The following PDGFC variants were observed in gnomAD, a reference collection of about 807,000 sequenced individuals.
The protein encoded by PDGFC is platelet derived growth factor C.
Under a neutral mutation model 35.5 loss-of-function variants are expected in PDGFC, and 12 were observed. The observed-to-expected ratio is 0.34, with a 90% confidence interval of 0.22 to 0.55. The LOEUF (loss-of-function observed/expected upper bound fraction) is 0.55. Ranked by LOEUF, PDGFC falls within the 20% of genes least tolerant of loss-of-function variation. PDGFC has a pLI of 0.91. For synonymous variants in PDGFC, 159 were observed against 148.8 expected, an observed-to-expected ratio of 1.07 and a Z score of -0.50; for missense variants, 322 against 412.4, an observed-to-expected ratio of 0.78 and a Z score of 1.90.
intron 2 of PDGFC, chr4:156,841,990 A>T (rs1579048960): frequency 6.6e-6 from 1 of 152,162 alleles, no homozygotes; most frequent in Non-Finnish European, 1.5e-5. Context: ...TGGTATGATT[A>T]TTTCTAGATC....
intron 1 of PDGFC, among the ~76,000 whole-genome samples, chr4:156,953,966 A>T (rs978989173): frequency 6.6e-6 from 1 of 151,960 alleles, no homozygotes; most frequent in Non-Finnish European, 1.5e-5. Context: ...AAATTAAGAC[A>T]ATTCACTCTG....
rs1449333871 is a variant in PDGFC at position 156,970,787 on chromosome 4, G to A, written c.117C>T (p.Asn39=). Residue 39 remains asparagine, a splice_region_variant and synonymous_variant, in exon 1 of 6, where the codon AAC becomes AAT. Transcript: ENST00000502773. ...GGGGAGAATGGGGGAAAGACTCACC[G>A]TTCTGTTCCTTGTTGCTGGAAAACT... ...KFQFSSNKEQ[N]GVQDPQHERI... is the part of the protein sequence containing the mutation. The A allele has an allele frequency of 6.3e-7, 1 of 1,578,348 alleles. No homozygotes were observed. The highest frequency in any genetic ancestry group is 8.7e-7 in the Non-Finnish European group (1 of 1,147,462).
At chr4:156,920,323 C>T (rs1731243353) in intron 1 of PDGFC, among the ~76,000 whole-genome samples, 1 of 152,112 alleles carries the variant, frequency 6.6e-6, no homozygotes, top group Admixed American at 6.5e-5. Flanking sequence ...TGGCCCCTGC[C>T]TAAACATTGT....
chr4:156,827,008 A>T (rs1254663596), intron 2 of PDGFC, among the ~76,000 whole-genome samples: 1 of 152,230 alleles, frequency 6.6e-6, no homozygotes, highest in Non-Finnish European at 1.5e-5. Context: ...ATGTTTAATG[A>T]ATATCTATTC....
intron 2 of PDGFC, among the ~76,000 whole-genome samples, chr4:156,843,354 T>A (rs142894985): frequency 6.6e-6 from 1 of 152,360 alleles, no homozygotes; most frequent in East Asian, 1.9e-4. Context: ...CTGTGCTTTA[T>A]AAGCCACCCA....
chr4:156,914,142 A>C (rs1731104266), intron 1 of PDGFC, among the ~76,000 whole-genome samples: 1 of 152,194 alleles, frequency 6.6e-6, no homozygotes, highest in Non-Finnish European at 1.5e-5. Flanking sequence ...AAGGACTAAA[A>C]AGAAAGATTA....
chr4:156,774,637 AAC>A (rs1730776033), intron 3 of PDGFC, among the ~76,000 whole-genome samples: 1 of 151,046 alleles, frequency 6.6e-6, no homozygotes, highest in East Asian at 1.9e-4. Context: ...GCCTTGGGCC[AAC>A]AATGATTTCA....
chr4:156,934,287 G>A (rs1731624558), intron 1 of PDGFC, among the ~76,000 whole-genome samples: 1 of 152,154 alleles, frequency 6.6e-6, no homozygotes, highest in African/African-American at 2.4e-5. Flanking sequence ...GCATGTTATT[G>A]TACTGAAAAC....
intron 3 of PDGFC, among the ~76,000 whole-genome samples, chr4:156,789,150 T>C (rs1308771830): frequency 6.6e-6 from 1 of 152,214 alleles, no homozygotes; most frequent in African/African-American, 2.4e-5. Flanking sequence ...TTATTTTCTG[T>C]GCTAGCCAGA....
intron 2 of PDGFC, chr4:156,841,265 T>C (rs772533513): frequency 6.6e-6 from 1 of 152,198 alleles, no homozygotes; most frequent in Non-Finnish European, 1.5e-5. Context: ...AATTGGATCA[T>C]GGGGGTGGTT....
At chr4:156,907,148 G>C (rs1236988760) in intron 1 of PDGFC, among the ~76,000 whole-genome samples, 1 of 151,980 alleles carries the variant, frequency 6.6e-6, no homozygotes, top group Non-Finnish European at 1.5e-5. Context: ...AATAAAAATG[G>C]ACCAAAAAGA....
chr4:156,935,301 T>A (rs993589537), intron 1 of PDGFC, among the ~76,000 whole-genome samples: 1 of 152,174 alleles, frequency 6.6e-6, no homozygotes, highest in African/African-American at 2.4e-5. Context: ...TGACTTACAG[T>A]TAACTTTTTA....
At chr4:156,942,335 T>C (rs1731829720) in intron 1 of PDGFC, among the ~76,000 whole-genome samples, 1 of 152,154 alleles carries the variant, frequency 6.6e-6, no homozygotes, top group African/African-American at 2.4e-5. Flanking sequence ...CTAGCTTATC[T>C]TCTTTCATGA....
At chr4:156,777,397 AT>A (rs1340444284) in intron 3 of PDGFC, among the ~76,000 whole-genome samples, 2 of 152,224 alleles carry the variant, frequency 1.3e-5, no homozygotes, top group Non-Finnish European at 2.9e-5. Flanking sequence ...GAATGCCTGT[AT>A]TTGGAGACAG....
At chr4:156,908,779 ACAAT>A (rs1730975802) in intron 1 of PDGFC, among the ~76,000 whole-genome samples, 2 of 152,178 alleles carry the variant, frequency 1.3e-5, no homozygotes, top group African/African-American at 4.8e-5. Flanking sequence ...GACTTATGTA[ACAAT>A]CAGACAAGTG....
chr4:156,959,801 A>G (rs1394064383), intron 1 of PDGFC, among the ~76,000 whole-genome samples: 5 of 152,026 alleles, frequency 3.3e-5, no homozygotes, highest in Non-Finnish European at 4.4e-5. Flanking sequence ...AGGGAAATGT[A>G]AAATCCAGAC....
chr4:156,863,647 T>C lies in PDGFC; in HGVS notation c.119-13231A>G, dbSNP rs139537162. The stretch of plus-strand genomic sequence containing the variant: ...AAGTAAGAGACATCTTTACCAATTA[T>C]TAATGATTTGCTGGATTCTGGCTTC... On this transcript the variant is annotated intron_variant, in intron 1 of 5. Coordinates refer to ENST00000502773, the MANE Select transcript of PDGFC (RefSeq NM_016205.3). 2.6e-5 allele frequency among the ~76,000 whole-genome samples: 4 copies of C among 152,302 alleles called. No homozygotes were observed. In the East Asian group the frequency reaches 7.7e-4, roughly 29 times the overall value.
At chr4:156,891,898 A>C (rs950688019) in intron 1 of PDGFC, among the ~76,000 whole-genome samples, 4 of 152,232 alleles carry the variant, frequency 2.6e-5, no homozygotes, top group Non-Finnish European at 4.4e-5. Flanking sequence ...TGTACATTAA[A>C]GAGTTTTATA....
At chr4:156,825,578 T>TAAG (rs1304163404) in intron 2 of PDGFC, among the ~76,000 whole-genome samples, 360 of 94,874 alleles carry the variant, frequency 3.8e-3, no homozygotes, top group South Asian at 6.7e-3. Flanking sequence ...ATAATAATAA[T>TAAG]AATAATAATA....
Sources: allele counts gnomAD v4.1 joint callset (sites outside exome capture counted in the v4.1 genomes callset), GRCh38; gene constraint gnomAD v4.1.1; transcripts MANE v1.5; gene names NCBI Gene and HGNC (gene_info 2026-07-23, HGNC 2026-07-21).